Variants in JAK2 observed in about 807,000 individuals in gnomAD.
JAK2 encodes the protein tyrosine-protein kinase JAK2.
Under a neutral mutation model 139.3 loss-of-function variants are expected in JAK2, and 86 were observed. The ratio of observed to expected loss-of-function variants is 0.62; its 90% CI spans 0.52 to 0.74. The LOEUF is 0.74. JAK2 is among the 30% of genes least tolerant of loss of function. The probability of loss-of-function intolerance (pLI) is 0.00; values close to 1 mark genes in which losing one functional copy is unlikely to be tolerated. For missense variants in JAK2, 1,421 were observed against 1,360.3 expected (o/e 1.04, Z -0.70); for synonymous variants, 490 against 437.7 (o/e 1.12, Z -1.49).
At chr9:4,988,426 A>C (rs1420401445) in intron 2 of JAK2, among the ~76,000 whole-genome samples, 1 of 152,116 alleles carries the variant, frequency 6.6e-6, no homozygotes, top group East Asian at 1.9e-4. Flanking sequence ...AAGGTTTGAT[A>C]AGTTCTACAG....
chr9:5,127,867 T>G lies in JAK2; in HGVS notation c.*1076T>G, dbSNP rs1824099556. The G allele has an allele frequency of 4.3e-6, 1 of 232,434 alleles. No homozygotes were observed. The highest frequency in any genetic ancestry group is 5.6e-5 in the Admixed American group (1 of 17,758). The allele number at this position is 232,434 out of a possible 1,614,324, so 14.4% of individuals were successfully genotyped here. A position where few individuals can be genotyped will look rare whatever the true frequency, so the allele number is the denominator to read the frequency against. ...GCAGTCATAGAAGAGATTTATTTCC[T>G]TTTTAGAGGGGAAATGAGGTAAATA... On this transcript the variant is annotated 3_prime_UTR_variant, in exon 25 of 25. Coordinates refer to ENST00000381652, the MANE Select transcript of JAK2 (RefSeq NM_004972.4).
At chr9:5,074,130 T>C (rs932280578) in intron 14 of JAK2, among the ~76,000 whole-genome samples, 8 of 152,176 alleles carry the variant, frequency 5.3e-5, no homozygotes, top group African/African-American at 1.9e-4. Flanking sequence ...TCTGGAATTA[T>C]GAAGACAAAG....
intron 2 of JAK2, among the ~76,000 whole-genome samples, chr9:4,996,791 G>T (rs1187492077): frequency 6.6e-6 from 1 of 152,020 alleles, no homozygotes; most frequent in Non-Finnish European, 1.5e-5. Flanking sequence ...ATTATTAGAA[G>T]TAAAATGAAA....
chr9:5,089,506 C>T (rs1267800328), intron 19 of JAK2, among the ~76,000 whole-genome samples, 168 bp from the exon 20 acceptor site: 1 of 135,960 alleles, frequency 7.4e-6, no homozygotes, highest in African/African-American at 2.9e-5. Flanking sequence ...CCACTGCACT[C>T]CAACCTGGGT....
intron 22 of JAK2, among the ~76,000 whole-genome samples, chr9:5,120,369 A>C (rs1372473593): frequency 6.6e-6 from 1 of 152,212 alleles, no homozygotes; most frequent in Non-Finnish European, 1.5e-5. Flanking sequence ...CAAACACTAA[A>C]TCTGAAGTCT....
chr9:5,013,308 A>T (rs551609542), intron 2 of JAK2, among the ~76,000 whole-genome samples: 1 of 152,364 alleles, frequency 6.6e-6, no homozygotes, highest in Non-Finnish European at 1.5e-5. Flanking sequence ...AAAGTAGTAT[A>T]GGAATAATTG....
intron 22 of JAK2, among the ~76,000 whole-genome samples, chr9:5,106,764 C>T (rs1328216418): frequency 2.0e-5 from 3 of 152,146 alleles, no homozygotes; most frequent in Non-Finnish European, 4.4e-5. Flanking sequence ...ATGGATGAAG[C>T]TGGAAACCAT....
intron 23 of JAK2, among the ~76,000 whole-genome samples, chr9:5,125,538 T>C (rs1823926940): frequency 6.7e-6 from 1 of 148,446 alleles, no homozygotes; most frequent in Admixed American, 6.8e-5. Flanking sequence ...AAAGTATAAG[T>C]AAAAGTTATG....
At chr9:5,114,221 C>G (rs1360248095) in intron 22 of JAK2, 2 of 516,172 alleles carry the variant, frequency 3.9e-6, no homozygotes, top group African/African-American at 3.8e-5. Context: ...GCCCCTTCTA[C>G]CTGTTCATCC....
intron 22 of JAK2, among the ~76,000 whole-genome samples, chr9:5,101,263 G>A (rs996708862): frequency 2.0e-4 from 30 of 152,344 alleles, no homozygotes; most frequent in African/African-American, 6.7e-4. Flanking sequence ...CCACACCCAC[G>A]GAGCCCTGCT....
intron 9 of JAK2, among the ~76,000 whole-genome samples, chr9:5,065,494 G>A (rs1401727804): frequency 6.6e-6 from 1 of 152,198 alleles, no homozygotes; most frequent in Non-Finnish European, 1.5e-5. Flanking sequence ...CTGCAGCGAT[G>A]AAAATATTCT....
At chr9:5,007,431 C>T (rs1361443478) in intron 2 of JAK2, among the ~76,000 whole-genome samples, 1 of 151,902 alleles carries the variant, frequency 6.6e-6, no homozygotes, top group Admixed American at 6.6e-5. Context: ...GTTATATTTT[C>T]CATAAGAGAT....
At chr9:5,101,306 T>C (rs956274748) in intron 22 of JAK2, among the ~76,000 whole-genome samples, 5 of 152,288 alleles carry the variant, frequency 3.3e-5, no homozygotes, top group Admixed American at 3.3e-4. Context: ...GATCCACCCG[T>C]GAGGCAGCAG....
intron 4 of JAK2, among the ~76,000 whole-genome samples, chr9:5,042,350 G>A (rs1816646370): frequency 1.3e-5 from 2 of 150,644 alleles, no homozygotes; most frequent in South Asian, 4.2e-4. Flanking sequence ...TGTTAGCCAG[G>A]ATGGTCTCGA....
At chr9:5,029,293 T>G (rs1323812066) in intron 3 of JAK2, among the ~76,000 whole-genome samples, 1 of 152,174 alleles carries the variant, frequency 6.6e-6, no homozygotes, top group East Asian at 1.9e-4. Context: ...ACACAGCATT[T>G]GTTGCTTATG....
At chr9:5,039,650 G>GAA (rs910122089) in intron 4 of JAK2, among the ~76,000 whole-genome samples, 1 of 152,010 alleles carries the variant, frequency 6.6e-6, no homozygotes, top group Non-Finnish European at 1.5e-5. Context: ...TTGCAGAATA[G>GAA]AAGATCAATA....
chr9:5,096,868 T>C (rs563560996), intron 22 of JAK2: 32 of 152,298 alleles, frequency 2.1e-4, no homozygotes, highest in South Asian at 8.3e-4. Context: ...ATAATCTTCT[T>C]TATGGTCATA....
At position 5,079,498 on chromosome 9, in the gene JAK2, GTT is replaced by G. The variant is rs113012776; in HGVS notation, c.2132-721_2132-720del. Among the ~76,000 whole-genome samples, 1,147 of 145,978 alleles carry G rather than the reference GTT, an allele frequency of 7.9e-3. 9 individuals carry two copies. Among genetic ancestry groups the G allele is most frequent in the African/African-American group, 0.026 (1,047 of 40,384 alleles). Reference sequence around the variant, plus strand: ...GCCATAAATGCTTGTTGGTCCTTGGGTTTTTTTTTTTATCTGCAAGTGGGAAT... The same window carrying G: ...GCCATAAATGCTTGTTGGTCCTTGGGTTTTTTTTTATCTGCAAGTGGGAAT... On this transcript the variant is annotated intron_variant, in intron 16 of 24. Coordinates refer to ENST00000381652, the MANE Select transcript of JAK2 (RefSeq NM_004972.4).
intron 22 of JAK2, among the ~76,000 whole-genome samples, chr9:5,104,560 T>C (rs561139157): frequency 4.6e-5 from 7 of 152,328 alleles, no homozygotes; most frequent in Non-Finnish European, 7.3e-5. Flanking sequence ...ACTCATTTTA[T>C]GAGGCCAGCA....
Sources: gnomAD v4.1 joint callset for allele counts (sites outside exome capture counted in the v4.1 genomes callset) on GRCh38, gnomAD v4.1.1 for gene constraint, MANE v1.5 for transcripts, NCBI Gene and HGNC (gene_info 2026-07-23, HGNC 2026-07-21) for gene names.